The following ABCA2 variants were observed in gnomAD, a reference collection of about 807,000 sequenced individuals.
The protein encoded by ABCA2 is ATP-binding cassette sub-family A member 2.
In ABCA2, 84 loss-of-function variants were observed where a neutral mutation model predicts 262.8. The observed-to-expected ratio is 0.32, with a 90% CI of 0.27 to 0.38. The LOEUF (loss-of-function observed/expected upper bound fraction) is 0.38, where lower values mean the gene tolerates loss of function less well. ABCA2 is among the 10% of genes least tolerant of loss of function. The pLI is 1.00. For synonymous variants in ABCA2, 1,696 were observed against 1,502.9 expected (o/e 1.13, Z -2.97); for missense variants, 2,662 against 3,405.9 (o/e 0.78, Z 5.44).
intron 40 of ABCA2, 115 bp downstream of exon 40, chr9:137,010,505 C>A: frequency 6.8e-7 from 1 of 1,476,538 alleles, no homozygotes; most frequent in East Asian, 2.4e-5. Context: ...CATGCAGGCC[C>A]CACCCCCAGA....
intron 3 of ABCA2, chr9:137,023,430 C>G (rs1350782543): frequency 2.8e-6 from 2 of 711,196 alleles, no homozygotes; most frequent in South Asian, 1.4e-5. Context: ...GGGCAGTGAC[C>G]TCTGACCTCT....
In ABCA2 at chr9:137,022,387, G is replaced by T. The variant is rs375013167; in HGVS notation, c.531C>A (p.Ala177=). The T allele has an allele frequency of 1.1e-5, 17 of 1,611,208 alleles. No homozygotes were observed. The highest frequency in any genetic ancestry group is 1.4e-5 in the Non-Finnish European group (17 of 1,179,402). ...CCACACGGGCGGCCAAGAGTGCTTG[G>T]GCCGTGCTATTGGGCAGCGACAAGT... ...TQNLSLPNST[A]QALLAARVDP... Residue 177 remains alanine, a synonymous_variant, in exon 6 of 49, where the codon GCC becomes GCA. Transcript: ENST00000341511.
At position 137,012,864 on chromosome 9, in the gene ABCA2, G is replaced by A. The variant is rs1564215862; in HGVS notation, c.4929C>T (p.Cys1643=). 4 of 1,595,846 alleles carry A rather than the reference G, an allele frequency of 2.5e-6. No individual in the cohort carries two copies. In the East Asian group the frequency reaches 9.0e-5, roughly 36 times the overall value. ...AGGAGAAGCCGGTGCCCTGCGCAGA[G>A]CAGGTGCAGCGGACGGGCTCCCGTA... ...RLVREPVRCT[C]SAQGTGFSCP... Residue 1643 remains cysteine (C), a synonymous_variant, in exon 31 of 49, where the codon TGC becomes TGT. Coordinates refer to ENST00000341511, the MANE Select transcript of ABCA2 (RefSeq NM_001606.5).
rs748466814 is a variant in ABCA2, at chr9:137,017,618, G to T, written c.2286C>A (p.Ser762=). ...AWFITGFVQL[S]ISVTALTAIL... ...TGGCGGTGAGTGCTGTCACGGAGAT[G>T]GACAGCTGCACAAAGCCGGTGATGA... is the stretch of plus-strand genomic sequence containing the variant. Residue 762 remains serine (S), a synonymous_variant, in exon 17 of 49, where the codon TCC becomes TCA. Transcript: ENST00000341511. The T allele has an allele frequency of 6.2e-7, 1 of 1,612,760 alleles. No individual in the cohort carries two copies. Among genetic ancestry groups the T allele is most frequent in the Non-Finnish European group, 8.5e-7 (1 of 1,179,922 alleles).
chr9:137,012,447 C>A (rs1381889060), intron 32 of ABCA2, 38 bp downstream of exon 32: 1 of 1,609,860 alleles, frequency 6.2e-7, no homozygotes, highest in Admixed American at 1.7e-5. Context: ...TCGGGCGGCG[C>A]TACACACAGC....
Position 137,015,988 on chromosome 9 carries a change from C to G in ABCA2, c.3291G>C (p.Gln1097His). The G allele has an allele frequency of 6.3e-7, 1 of 1,580,406 alleles. No homozygotes were observed. The highest frequency in any genetic ancestry group is 2.4e-5 in the East Asian group (1 of 42,242). The change falls in exon 22 of 49, where the codon CAG (glutamine) becomes CAC (histidine). Residue 1097 changes from glutamine to histidine, a missense_variant. Physicochemically the swap from Gln to His is conservative, Grantham distance 24 (BLOSUM62 0). This residue lies in a region of ABCA2 where 180 missense variants were observed against 307.3 expected (regional missense o/e 0.59). Coordinates refer to ENST00000341511, the MANE Select transcript of ABCA2 (RefSeq NM_001606.5). Reference protein sequence around the residue: ...WFYSRLKSMAQEEIRREMDKM... With the variant: ...WFYSRLKSMAHEEIRREMDKM... ...TGTCCATCTCTCTGCGGATCTCCTC[C>G]TGAGCCATGCTCTTGAGCCGTGAGT...
chr9:137,016,384 T>C lies in ABCA2; in HGVS notation c.3011A>G (p.Lys1004Arg), dbSNP rs1289161331. The change falls in exon 21 of 49, where the codon AAG becomes AGG. Residue 1004 changes from lysine (K) to arginine (R), a missense_variant. Lys to Arg is a conservative substitution (Grantham distance 26, BLOSUM62 2). Coordinates refer to ENST00000341511, the MANE Select transcript of ABCA2 (RefSeq NM_001606.5). Reference protein sequence around the residue: ...DKLTKVYKDDKKLALNKLSLN... With the variant: ...DKLTKVYKDDRKLALNKLSLN... ...GCTCAGCTTGTTCAGGGCCAGCTTC[T>C]TGTCGTCCTTGTAGACCTTGGTGAG... 1 of 1,612,814 alleles carries C rather than the reference T, an allele frequency of 6.2e-7. No individual in the cohort carries two copies. The highest frequency in any genetic ancestry group is 1.3e-5 in the African/African-American group (1 of 74,938).
Position 137,016,466 on chromosome 9 carries a change from T to A in ABCA2, c.2929A>T (p.Thr977Ser), listed in dbSNP as rs1326497963. ...CAMESRRFEE[T>S]RGMEEEPTHL... ...GTGGGCTCCTCCTCCATGCCACGGG[T>A]CTCCTCTGCACCAGGGCTGTGGATC... The change falls in exon 21 of 49, where the codon ACC (threonine) becomes TCC (serine). Residue 977 changes from threonine (T) to serine (S), a missense_variant. Thr to Ser is a moderately conservative substitution (Grantham distance 58, BLOSUM62 1). Around this residue, in one of 12 missense-constraint regions of ABCA2, gnomAD observed 133 missense variants for 150.8 expected, o/e 0.88. Transcript: ENST00000341511. The A allele has an allele frequency of 1.9e-6, 3 of 1,612,662 alleles. No individual in the cohort carries two copies. The highest frequency in any genetic ancestry group is 2.5e-6 in the Non-Finnish European group (3 of 1,179,926).
chr9:137,014,587 G>A, intron 26 of ABCA2, 103 bp downstream of exon 26: 1 of 1,509,476 alleles, frequency 6.6e-7, no homozygotes, highest in Non-Finnish European at 8.9e-7. Context: ...CTTCCACCCA[G>A]GACCAGGGTG....
chr9:137,020,928 G>A lies in ABCA2; in HGVS notation c.1031C>T (p.Ala344Val), dbSNP rs908123726. The A allele has an allele frequency of 1.9e-6, 3 of 1,566,238 alleles. No homozygotes were observed. Among genetic ancestry groups the A allele is most frequent in the Admixed American group, 1.9e-5 (1 of 52,202 alleles). Reference sequence around the variant, plus strand: ...GCAGGCACCCTGGGGCAGTAGCAGGGCCAGGGCCGACAGGACATCCACATC... The same window carrying A: ...GCAGGCACCCTGGGGCAGTAGCAGGACCAGGGCCGACAGGACATCCACATC... ...LQDVDVLSAL[A>V]LLLPQGACTG... is the part of the protein sequence containing the mutation. The change falls in exon 9 of 49, where the codon GCC becomes GTC. Residue 344 changes from alanine (A) to valine (V), a missense_variant. Around this residue, in one of 12 missense-constraint regions of ABCA2, gnomAD observed 403 missense variants for 375.9 expected, o/e 1.07. Coordinates refer to ENST00000341511, the MANE Select transcript of ABCA2 (RefSeq NM_001606.5).
rs780183289 is a variant in ABCA2 at position 137,019,343 on chromosome 9, C to T, written c.1426-37G>A. 4.1e-5 allele frequency: 65 copies of T among 1,603,944 alleles called. No individual in the cohort carries two copies. Among genetic ancestry groups the T allele is most frequent in the South Asian group, 4.0e-4 (36 of 90,158 alleles). The stretch of plus-strand genomic sequence containing the variant: ...GAGGCAGGGGCATGGAGTTTCTGGA[C>T]GGACCCCCACCGACTTGGGGGCTCT... On this transcript the variant is annotated intron_variant, in intron 10 of 48. Transcript: ENST00000341511. This position sits in a 1 kb window ranked among gnomAD's most constrained non-coding sequence, Gnocchi z 4.4.
chr9:137,020,183 T>A, intron 10 of ABCA2, 153 bp downstream of exon 10: 4 of 959,634 alleles, frequency 4.2e-6, no homozygotes, highest in Non-Finnish European at 6.1e-6. Context: ...GACCCCCTGG[T>A]CCCCCACCTG....
upstream of ABCA2, chr9:137,028,868 C>G: frequency 7.5e-7 from 1 of 1,327,304 alleles, no homozygotes. The surrounding 1 kb of genome is among the most constrained non-coding windows in gnomAD (Gnocchi z 6.9). Flanking sequence ...CGTTTTTCTC[C>G]CCATATTCGG....
At position 137,021,798 on chromosome 9, in the gene ABCA2, G is replaced by A; in HGVS notation, c.678+93C>T. 4 of 1,332,264 alleles carry A rather than the reference G, an allele frequency of 3.0e-6. No individual in the cohort carries two copies. The highest frequency in any genetic ancestry group is 1.3e-5 in the South Asian group (1 of 78,460). The allele number at this position is 1,332,264 out of a possible 1,614,324, so 82.5% of individuals were successfully genotyped here. On this transcript the variant is annotated intron_variant, in intron 7 of 48. Transcript: ENST00000341511. The surrounding 1 kb of genome is among the most constrained non-coding windows in gnomAD (Gnocchi z 6.0). ...CCCCCTCTCCCAGGAGGAGCTCCAA[G>A]TCACCAAAGGGGCCCTTTCCTCACC...
rs774240960 is a variant in ABCA2 at position 137,022,403 on chromosome 9, A to T, written c.515T>A (p.Leu172Gln). Residue 172 changes from leucine to glutamine, a missense_variant, in exon 6 of 49, where the codon CTG becomes CAG. Transcript: ENST00000341511. ...GAGTGCTTGGGCCGTGCTATTGGGC[A>T]GCGACAAGTTTTGCGTCAGGAAACG... ...LWRFLTQNLS[L>Q]PNSTAQALLA... is the part of the protein sequence containing the mutation. 1 of 1,611,744 alleles carries T rather than the reference A, an allele frequency of 6.2e-7. No homozygotes were observed. The highest frequency in any genetic ancestry group is 1.1e-5 in the South Asian group (1 of 90,742).
Position 137,007,835 on chromosome 9 carries a change from C to G in ABCA2, c.*94G>C. 3 of 1,532,644 alleles carry G rather than the reference C, an allele frequency of 2.0e-6. No individual in the cohort carries two copies. The highest frequency in any genetic ancestry group is 2.6e-6 in the Non-Finnish European group (3 of 1,132,776). The allele number at this position is 1,532,644 out of a possible 1,614,324, so 94.9% of individuals were successfully genotyped here. On this transcript the variant is annotated 3_prime_UTR_variant, in exon 49 of 49. Transcript: ENST00000341511. ...CCTGAACCTCCACTCCAGGCCCTGG[C>G]AGGCACTGGGGGACTTCTGTCCCCA...
rs1830970258 is a variant in ABCA2, at chr9:137,009,838, G to A, written c.6561C>T (p.Tyr2187=). 3.7e-6 allele frequency: 6 copies of A among 1,612,596 alleles called. No individual in the cohort carries two copies. Among genetic ancestry groups the A allele is most frequent in the Non-Finnish European group, 3.4e-6 (4 of 1,179,806 alleles). ...TKYADKPAGT[Y]SGGNKRKLST... is the part of the protein sequence containing the mutation. ...AGAGCTTCCGCTTGTTGCCGCCGCTGTAGGTGCCAGCCGGCTTGTCTGCGT... is the reference window on the plus strand; with the variant it reads ...AGAGCTTCCGCTTGTTGCCGCCGCTATAGGTGCCAGCCGGCTTGTCTGCGT... Residue 2187 remains tyrosine (Y), a synonymous_variant, in exon 43 of 49, where the codon TAC becomes TAT. Transcript: ENST00000341511.
Position 137,010,736 on chromosome 9 carries a change from G to A in ABCA2, c.6058C>T (p.Arg2020Cys), listed in dbSNP as rs369022993. Reference sequence around the variant, plus strand: ...ACAGGCTTGGTAGACACAGGCATGCGCCTTGGGGGACAGGGTGGACAGTGT... The same window carrying A: ...ACAGGCTTGGTAGACACAGGCATGCACCTTGGGGGACAGGGTGGACAGTGT... ...CQYNFLRRPQRMPVSTKPVED... is the reference protein window; with the variant it reads ...CQYNFLRRPQCMPVSTKPVED... The change falls in exon 40 of 49, where the codon CGC (arginine) becomes TGC (cysteine). Residue 2020 changes from arginine to cysteine, a missense_variant and splice_region_variant. Arg to Cys is a radical substitution (Grantham distance 180). Around this residue, in one of 12 missense-constraint regions of ABCA2, gnomAD observed 602 missense variants for 897.4 expected, o/e 0.67. Transcript: ENST00000341511. 5.9e-5 allele frequency: 95 copies of A among 1,612,186 alleles called. No homozygotes were observed. The highest frequency in any genetic ancestry group is 4.2e-5 in the Non-Finnish European group (49 of 1,179,698).
chr9:137,014,870 C>A, intron 25 of ABCA2, 43 bp downstream of exon 25: 1 of 1,577,014 alleles, frequency 6.3e-7, no homozygotes, highest in Non-Finnish European at 8.6e-7. Context: ...GTGCGCCCAC[C>A]TCCACCACCT....
Sources: gnomAD v4.1 joint callset for allele counts on GRCh38, gnomAD v4.1.1 for gene constraint, gnomAD v4.1.1 regional missense constraint, Gnocchi (gnomAD v3.1) non-coding constraint, MANE v1.5 for transcripts, NCBI Gene and HGNC (gene_info 2026-07-23, HGNC 2026-07-21) for gene names.